Variants in WDR86 observed in about 807,000 individuals in gnomAD.
The protein encoded by WDR86 is WD repeat-containing protein 86.
In WDR86, 30 loss-of-function variants were observed where a neutral mutation model predicts 36.5. That is an observed-to-expected ratio of 0.82 (90% CI 0.61 to 1.11). The LOEUF (loss-of-function observed/expected upper bound fraction) is 1.11. WDR86 is among the 50% of genes most tolerant of loss of function. WDR86 has a pLI of 0.00. For missense variants in WDR86, 545 were observed against 561.2 expected (o/e 0.97, Z 0.29); for synonymous variants, 255 against 252.9 (o/e 1.01, Z -0.08).
chr7:151,394,518 G>C (rs1313169590), intron 3 of WDR86, among the ~76,000 whole-genome samples: 1 of 152,224 alleles, frequency 6.6e-6, no homozygotes, highest in African/African-American at 2.4e-5. Context: ...GCAGGGGTCG[G>C]ACCTGCCCTG....
intron 3 of WDR86, among the ~76,000 whole-genome samples, chr7:151,387,444 T>A (rs1799071092): frequency 2.0e-5 from 3 of 152,156 alleles, no homozygotes; most frequent in African/African-American, 7.2e-5. Flanking sequence ...GTCCTCAGCC[T>A]GTGGAGGCCT....
rs568763768 is a variant in WDR86 at position 151,390,710 on chromosome 7, C to A, written c.726+5066G>T. ...CATACCAGGGAATATTTATCAGTCA[C>A]GGAAAAAGGAGGGAATCTCATCACA... On this transcript the variant is annotated intron_variant, in intron 3 of 5. Coordinates refer to ENST00000334493, the MANE Select transcript of WDR86 (RefSeq NM_198285.3). This position sits in a 1 kb window ranked among gnomAD's most constrained non-coding sequence, Gnocchi z 4.5. Among the ~76,000 whole-genome samples, 85 of 152,220 alleles carry A rather than the reference C, an allele frequency of 5.6e-4. No homozygotes were observed. Among genetic ancestry groups the A allele is most frequent in the African/African-American group, 1.8e-3 (76 of 41,548 alleles).
downstream of WDR86, among the ~76,000 whole-genome samples, chr7:151,380,013 T>G (rs918845255): frequency 1.3e-5 from 2 of 152,226 alleles, no homozygotes; most frequent in African/African-American, 4.8e-5. Context: ...ATGCCCCTTG[T>G]GGCAGCCACA....
chr7:151,374,982 T>A (rs1460636034), downstream of WDR86, among the ~76,000 whole-genome samples: 1 of 121,152 alleles, frequency 8.3e-6, no homozygotes, highest in Non-Finnish European at 1.7e-5. Flanking sequence ...GGAAGCAGAG[T>A]GGTAGGAGCT....
intron 4 of WDR86, among the ~76,000 whole-genome samples, chr7:151,382,468 C>T (rs1404159530): frequency 6.6e-6 from 1 of 152,208 alleles, no homozygotes; most frequent in Non-Finnish European, 1.5e-5. Context: ...TCTGTCTCCT[C>T]CCCCAGGTGG....
Position 151,401,956 on chromosome 7 carries a change from GA to G in WDR86, c.164-1716del, listed in dbSNP as rs772723551. Among the ~76,000 whole-genome samples the G allele has an allele frequency of 2.4e-4, 35 of 143,978 alleles. No individual in the cohort carries two copies. The highest frequency in any genetic ancestry group is 3.7e-4 in the Non-Finnish European group (25 of 67,138). 94.5% of individuals were successfully genotyped at this position (143,978 alleles called of 152,430 possible). On this transcript the variant is annotated intron_variant, in intron 1 of 5. Transcript: ENST00000334493. The surrounding 1 kb of genome is among the most constrained non-coding windows in gnomAD (Gnocchi z 4.3). ...CCCAGCTACTCGGGAGGCTGAGGCA[GA>G]GAACTGCTTGAACCCGGAAGGCGGA...
At chr7:151,393,970 G>A (rs1799625118) in intron 3 of WDR86, among the ~76,000 whole-genome samples, 1 of 152,144 alleles carries the variant, frequency 6.6e-6, no homozygotes, top group Non-Finnish European at 1.5e-5. Context: ...CAAAAAACAG[G>A]TGCGAGCAGT....
At chr7:151,376,180 G>C (rs979670568), downstream of WDR86, 1 of 516,714 alleles carries the variant, frequency 1.9e-6, no homozygotes, top group Non-Finnish European at 3.5e-6. Flanking sequence ...TAGGTTTGCT[G>C]CCTTTGTCTA....
intron 3 of WDR86, among the ~76,000 whole-genome samples, chr7:151,385,798 C>A (rs1798935242): frequency 6.6e-6 from 1 of 152,130 alleles, no homozygotes; most frequent in Admixed American, 6.5e-5. Flanking sequence ...ATGCTGCTGT[C>A]TCGCAGGAGG....
downstream of WDR86, among the ~76,000 whole-genome samples, chr7:151,379,531 G>A (rs1798457031): frequency 2.0e-5 from 3 of 152,134 alleles, no homozygotes; most frequent in Admixed American, 6.5e-5. Context: ...ACCAGGCCTG[G>A]GTTCAGGGGA....
chr7:151,395,461 A>G (rs533877605), intron 3 of WDR86, among the ~76,000 whole-genome samples: 28 of 151,814 alleles, frequency 1.8e-4, no homozygotes, highest in Admixed American at 1.7e-3. Flanking sequence ...GCCCTAATCC[A>G]GTATGACTGG....
intron 3 of WDR86, 115 bp from the exon 4 acceptor site, chr7:151,385,338 G>A (rs2150757309): frequency 2.0e-6 from 3 of 1,505,218 alleles, no homozygotes; most frequent in Non-Finnish European, 1.8e-6. Context: ...AACCATGGGT[G>A]AGCCTCGAAT....
chr7:151,389,870 C>G (rs888270374), intron 3 of WDR86, among the ~76,000 whole-genome samples: 1 of 152,242 alleles, frequency 6.6e-6, no homozygotes, highest in Admixed American at 6.5e-5. Context: ...CTGCTTCAAT[C>G]TTAGATAGCA....
chr7:151,370,737 C>A, the WDR86 span, among the ~76,000 whole-genome samples: 11 of 139,650 alleles, frequency 7.9e-5, no homozygotes, highest in Non-Finnish European at 1.5e-4. Flanking sequence ...TGTCCCCCTT[C>A]CTGTGTCCAC....
intron 2 of WDR86, among the ~76,000 whole-genome samples, chr7:151,399,746 G>A (rs749637142): frequency 1.4e-4 from 21 of 152,220 alleles, no homozygotes; most frequent in Non-Finnish European, 2.8e-4. Context: ...TCCACCATCG[G>A]GTCTCAATTA....
At chr7:151,372,656 G>A (rs1200686954), downstream of WDR86, among the ~76,000 whole-genome samples, 1 of 152,194 alleles carries the variant, frequency 6.6e-6, no homozygotes, top group Non-Finnish European at 1.5e-5. Context: ...TCGAAGCATT[G>A]TTGGGGCCAG....
At position 151,381,854 on chromosome 7, in the gene WDR86, C is replaced by T. The variant is rs768840185; in HGVS notation, c.966+24G>A. 19 of 1,591,004 alleles carry T rather than the reference C, an allele frequency of 1.2e-5. No individual in the cohort carries two copies. Among genetic ancestry groups the T allele is most frequent in the South Asian group, 1.1e-5 (1 of 88,098 alleles). The stretch of plus-strand genomic sequence containing the variant: ...CACCTTCCCTCCCACGGGCGGCGGC[C>T]CCGAGAAGGGCAGAGGGACCTACCT... On this transcript the variant is annotated intron_variant, in intron 5 of 5. Transcript: ENST00000334493. The surrounding 1 kb of genome is among the most constrained non-coding windows in gnomAD (Gnocchi z 4.8).
rs1210030737 is a variant in WDR86, at chr7:151,388,942, C to T, written c.727-3719G>A. On this transcript the variant is annotated intron_variant, in intron 3 of 5. Transcript: ENST00000334493. This position sits in a 1 kb window ranked among gnomAD's most constrained non-coding sequence, Gnocchi z 4.2. ...CCTTTTATAAAAGGGCTTAAGGGAG[C>T]CTGTTTGTCCCTTCATCCAAGACGA... Among the ~76,000 whole-genome samples the T allele has an allele frequency of 1.3e-5, 2 of 152,040 alleles. No individual in the cohort carries two copies. Among genetic ancestry groups the T allele is most frequent in the African/African-American group, 4.8e-5 (2 of 41,384 alleles).
At chr7:151,404,923 G>C (rs1032699386) in intron 1 of WDR86, among the ~76,000 whole-genome samples, 1 of 152,200 alleles carries the variant, frequency 6.6e-6, no homozygotes, top group African/African-American at 2.4e-5. Context: ...CCTGACTTGC[G>C]TGGAAGCCGT....
Sources: allele counts gnomAD v4.1 joint callset (sites outside exome capture counted in the v4.1 genomes callset), GRCh38; gene constraint gnomAD v4.1.1; non-coding constraint Gnocchi (gnomAD v3.1); transcripts MANE v1.5; gene names NCBI Gene and HGNC (gene_info 2026-07-23, HGNC 2026-07-21).